Variants in ANGPT1 observed in about 807,000 individuals in gnomAD.
The protein encoded by ANGPT1 is angiopoietin-1.
A neutral mutation model predicts 62.2 loss-of-function variants in ANGPT1; 17 were observed. The ratio of observed to expected loss-of-function variants is 0.27; its 90% CI spans 0.19 to 0.41. The LOEUF is 0.41. Among genes scored for constraint, ANGPT1 ranks in the 10% least tolerant of loss-of-function variants. The pLI is 1.00. For synonymous variants in ANGPT1, 199 were observed against 198.9 expected, an observed-to-expected ratio of 1.00 and a Z score of 0.00; for missense variants, 478 against 594.9, an observed-to-expected ratio of 0.80 and a Z score of 2.04.
At chr8:107,453,771 T>C (rs188734902) in intron 1 of ANGPT1, among the ~76,000 whole-genome samples, 79 of 152,074 alleles carry the variant, frequency 5.2e-4, no homozygotes, top group Non-Finnish European at 9.3e-4. Flanking sequence ...CAGTAGATGA[T>C]TGGGTAAAGT....
chr8:107,355,918 A>G (rs564636841), intron 1 of ANGPT1, among the ~76,000 whole-genome samples: 1 of 152,274 alleles, frequency 6.6e-6, no homozygotes, highest in East Asian at 1.9e-4. Flanking sequence ...CACAAGCACT[A>G]CCTGGTTCAA....
intron 1 of ANGPT1, among the ~76,000 whole-genome samples, chr8:107,403,315 G>A (rs923340168): frequency 4.6e-5 from 7 of 152,146 alleles, no homozygotes; most frequent in Non-Finnish European, 7.4e-5. Context: ...TGTTATTTGC[G>A]ATGATTAGCC....
intron 7 of ANGPT1, among the ~76,000 whole-genome samples, chr8:107,272,932 C>G (rs147422182): frequency 2.1e-4 from 31 of 149,706 alleles, no homozygotes; most frequent in Non-Finnish European, 4.3e-4. Flanking sequence ...CACGTGACAC[C>G]AAGACCCCTG....
chr8:107,416,485 A>G (rs1016280395), intron 1 of ANGPT1, among the ~76,000 whole-genome samples: 8 of 152,276 alleles, frequency 5.3e-5, no homozygotes, highest in Non-Finnish European at 1.0e-4. Flanking sequence ...AGGCACATAT[A>G]TAAGTTCTTG....
At chr8:107,341,507 T>C (rs1815695083) in intron 2 of ANGPT1, among the ~76,000 whole-genome samples, 1 of 150,656 alleles carries the variant, frequency 6.6e-6, no homozygotes, top group African/African-American at 2.4e-5. Flanking sequence ...TTAGATAATC[T>C]TATGGAATTA....
chr8:107,287,497 GCAAAAGGTTTGAGTA>G (rs1186062694), intron 6 of ANGPT1, among the ~76,000 whole-genome samples: 2 of 152,152 alleles, frequency 1.3e-5, no homozygotes, highest in African/African-American at 2.4e-5. Flanking sequence ...TAGTATGAGA[GCAAAAGGTTTGAGTA>G]CAATGAATCA....
intron 1 of ANGPT1, among the ~76,000 whole-genome samples, chr8:107,356,553 A>G (rs773422633): frequency 1.3e-5 from 2 of 151,344 alleles, no homozygotes; most frequent in African/African-American, 2.4e-5. Context: ...CCTTTAATAT[A>G]AAAAAAAATA....
At chr8:107,252,497 G>A (rs1030675295) in intron 8 of ANGPT1, among the ~76,000 whole-genome samples, 6 of 152,158 alleles carry the variant, frequency 3.9e-5, no homozygotes, top group African/African-American at 1.4e-4. Context: ...TCCATCTACT[G>A]CATATGTTTG....
In ANGPT1 at chr8:107,322,119, T is replaced by C; in HGVS notation, c.585A>G (p.Glu195=). The change falls in exon 4 of 9, where the codon GAA becomes GAG. Residue 195 remains glutamate (E), a synonymous_variant. Transcript: ENST00000517746. ...LKIHEKNSLL[E]HKILEMEGKH... ...TTCCTTCCATTTCTAAGATTTTATG[T>C]TCTAATAAACTACAAGGAAGTGAAA... The C allele has an allele frequency of 6.2e-7, 1 of 1,610,550 alleles. No individual in the cohort carries two copies.
intron 1 of ANGPT1, among the ~76,000 whole-genome samples, chr8:107,436,147 C>A (rs760178277): frequency 6.6e-6 from 1 of 152,174 alleles, no homozygotes; most frequent in Admixed American, 6.5e-5. Context: ...CACTAGCAAT[C>A]CCCCTGCCTT....
chr8:107,363,897 G>A (rs1033720547), intron 1 of ANGPT1, among the ~76,000 whole-genome samples: 2 of 152,064 alleles, frequency 1.3e-5, no homozygotes, highest in Non-Finnish European at 2.9e-5. Flanking sequence ...CTACATCAAA[G>A]CAGTTTTGTC....
intron 1 of ANGPT1, among the ~76,000 whole-genome samples, chr8:107,408,820 C>T (rs1049322152): frequency 6.6e-6 from 1 of 152,148 alleles, no homozygotes; most frequent in African/African-American, 2.4e-5. Flanking sequence ...AATAAAACTA[C>T]AGCACTTTAT....
chr8:107,417,125 T>A (rs1810772005), intron 1 of ANGPT1, among the ~76,000 whole-genome samples: 1 of 151,986 alleles, frequency 6.6e-6, no homozygotes, highest in African/African-American at 2.4e-5. Context: ...ACAGAGAAGA[T>A]TAGAGTATAT....
chr8:107,460,910 T>A (rs1049448594), intron 1 of ANGPT1, among the ~76,000 whole-genome samples: 2 of 152,144 alleles, frequency 1.3e-5, no homozygotes, highest in African/African-American at 4.8e-5. Flanking sequence ...TTTTGTTAGA[T>A]TTGGGGAGTA....
chr8:107,250,402 TAGTC>T lies in ANGPT1; in HGVS notation c.*1449_*1452del, dbSNP rs1461434096. On this transcript the variant is annotated 3_prime_UTR_variant, in exon 9 of 9. Transcript: ENST00000517746. The stretch of plus-strand genomic sequence containing the variant: ...ATGGCAACTAGCAGTCAGAATTTCT[TAGTC>T]AGGTGACTATGATTAATTTTCTTTT... 3 of 152,168 alleles carry T rather than the reference TAGTC, an allele frequency of 2.0e-5. No individual in the cohort carries two copies. The highest frequency in any genetic ancestry group is 2.9e-5 in the Non-Finnish European group (2 of 67,996). The allele number at this position is 152,168 out of a possible 1,614,324, so 9.4% of individuals were successfully genotyped here.
chr8:107,346,675 C>T (rs534456998), intron 2 of ANGPT1, among the ~76,000 whole-genome samples: 1 of 152,266 alleles, frequency 6.6e-6, no homozygotes, highest in South Asian at 2.1e-4. Context: ...CAGTTGGTAG[C>T]TGCAGTGCTT....
chr8:107,482,399 G>A (rs1447638540), intron 1 of ANGPT1, among the ~76,000 whole-genome samples: 2 of 152,172 alleles, frequency 1.3e-5, no homozygotes, highest in Non-Finnish European at 2.9e-5. Context: ...TCTAGAGCCT[G>A]AGTTGAGGTG....
chr8:107,349,089 G>T (rs1451632491), intron 1 of ANGPT1, among the ~76,000 whole-genome samples: 1 of 151,884 alleles, frequency 6.6e-6, no homozygotes, highest in Non-Finnish European at 1.5e-5. Context: ...GCCCAAAAAT[G>T]AAGCTGACTC....
At position 107,342,780 on chromosome 8, in the gene ANGPT1, AATACACACACAC is replaced by A. The variant is rs1815720830; in HGVS notation, c.453+4150_453+4161del. Among the ~76,000 whole-genome samples, 3 of 99,172 alleles carry A rather than the reference AATACACACACAC, an allele frequency of 3.0e-5. No homozygotes were observed. The South Asian group carries it at 1.1e-3, about 35-fold the overall frequency. 65.1% of individuals were successfully genotyped at this position (99,172 alleles called of 152,430 possible). A position where few individuals can be genotyped will look rare whatever the true frequency, so the allele number is the denominator to read the frequency against. Reference sequence around the variant, plus strand: ...TGAACAAACTGTTCCTGAACTGCCTAATACACACACACACACACACACACACACACACACACA... The same window carrying A: ...TGAACAAACTGTTCCTGAACTGCCTAACACACACACACACACACACACACA... On this transcript the variant is annotated intron_variant, in intron 2 of 8. Coordinates refer to ENST00000517746, the MANE Select transcript of ANGPT1 (RefSeq NM_001146.5).
Sources: gnomAD v4.1 joint callset for allele counts (sites outside exome capture counted in the v4.1 genomes callset) on GRCh38, gnomAD v4.1.1 for gene constraint, MANE v1.5 for transcripts, NCBI Gene and HGNC (gene_info 2026-07-23, HGNC 2026-07-21) for gene names.